Variants in GCNA observed in about 807,000 individuals in gnomAD.
The protein encoded by GCNA is germ cell nuclear acidic peptidase.
Under a neutral mutation model 38.8 loss-of-function variants are expected in GCNA, and 3 were observed. The observed-to-expected ratio is 0.08, with a 90% CI of 0.04 to 0.20. The LOEUF (loss-of-function observed/expected upper bound fraction) is 0.20, where lower values mean the gene tolerates loss of function less well. Among genes scored for constraint, GCNA ranks in the 10% least tolerant of loss-of-function variants. The probability of loss-of-function intolerance (pLI) is 1.00; values close to 1 mark genes in which losing one functional copy is unlikely to be tolerated. For missense variants in GCNA, 446 were observed against 578.6 expected, an observed-to-expected ratio of 0.77 and a Z score of 2.35; for synonymous variants, 195 against 240.2, an observed-to-expected ratio of 0.81 and a Z score of 1.74.
chrX:71,603,925 C>T lies in GCNA; in HGVS notation c.648C>T (p.Asp216=), dbSNP rs144622847. 8 of 1,208,733 alleles carry T rather than the reference C, an allele frequency of 6.6e-6. No individual in the cohort carries two copies. Among genetic ancestry groups the T allele is most frequent in the Admixed American group, 6.6e-5 (3 of 45,704 alleles). Residue 216 remains aspartate, a synonymous_variant, in exon 8 of 13, where the codon GAC becomes GAT. Coordinates refer to ENST00000373696, the MANE Select transcript of GCNA (RefSeq NM_052957.5). ...ACAGTGATGATTCGGATGTTCCCGA[C>T]GACAAGAGTGATGATTCGGATGTTC... ...DDNSDDSDVP[D]DKSDDSDVPD...
chrX:71,597,426 C>T (rs1036186587), intron 6 of GCNA, among the ~76,000 whole-genome samples: 22 of 111,377 alleles, frequency 2.0e-4, no homozygotes, highest in African/African-American at 7.2e-4. Flanking sequence ...TTACCACTGG[C>T]ACCCTGGGTG....
chrX:71,602,968 A>G (rs2040728342), intron 7 of GCNA, among the ~76,000 whole-genome samples: 1 of 112,435 alleles, frequency 8.9e-6, no homozygotes, highest in South Asian at 3.7e-4. Flanking sequence ...AGCAAGAGAT[A>G]GGAGTCTAGA....
chrX:71,588,961 G>A (rs766083387), intron 2 of GCNA, among the ~76,000 whole-genome samples: 8 of 103,307 alleles, frequency 7.7e-5, no homozygotes, highest in South Asian at 4.4e-4. Context: ...TTGCAGCCTC[G>A]AACTCTTGGG....
intron 6 of GCNA, among the ~76,000 whole-genome samples, chrX:71,595,611 C>T (rs2040665495): frequency 8.9e-6 from 1 of 111,999 alleles, no homozygotes; most frequent in Non-Finnish European, 1.9e-5. Flanking sequence ...GCTACTGTTC[C>T]TATTAATGAA....
intron 2 of GCNA, among the ~76,000 whole-genome samples, chrX:71,583,609 C>T (rs888181409): frequency 2.7e-5 from 3 of 110,412 alleles, no homozygotes; most frequent in Admixed American, 9.7e-5. Flanking sequence ...AGTAATGCTG[C>T]TGACATCATA....
At chrX:71,597,226 G>T (rs924106018) in intron 6 of GCNA, among the ~76,000 whole-genome samples, 3 of 112,081 alleles carry the variant, frequency 2.7e-5, no homozygotes, top group Non-Finnish European at 5.6e-5. Flanking sequence ...GGTGGAAGCA[G>T]ATGAACATGT....
At position 71,578,448 on chromosome X, in the gene GCNA, T is replaced by TC. The variant is rs1235936081; in HGVS notation, c.-75dup. The stretch of plus-strand genomic sequence containing the variant: ...GCCTGGCGTTGTTCATCGCAGTTGC[T>TC]CCGGATCTTTGCACACACTCCACGG... On this transcript the variant is annotated 5_prime_UTR_variant, in exon 1 of 13. Transcript: ENST00000373696. The TC allele has an allele frequency of 4.5e-5, 5 of 112,328 alleles. No homozygotes were observed. Among genetic ancestry groups the TC allele is most frequent in the Admixed American group, 9.4e-5 (1 of 10,583 alleles). The allele number at this position is 112,328 out of a possible 1,213,427, so 9.3% of individuals were successfully genotyped here. A position where few individuals can be genotyped will look rare whatever the true frequency, so the allele number is the denominator to read the frequency against.
rs1458245555 is a variant in GCNA at position 71,580,851 on chromosome X, C to T, written c.30C>T (p.Arg10=). 2 of 1,202,578 alleles carry T rather than the reference C, an allele frequency of 1.7e-6. No homozygotes were observed. Among genetic ancestry groups the T allele is most frequent in the South Asian group, 3.6e-5 (2 of 55,354 alleles). Reference sequence around the variant, plus strand: ...ATGGGTGCAAAAAAGAGCTGCCCCGCTTGCAAGAGCCGGAGGAGGACGAGG... The same window carrying T: ...ATGGGTGCAAAAAAGAGCTGCCCCGTTTGCAAGAGCCGGAGGAGGACGAGG... The part of the protein sequence containing the change: MDGCKKELP[R]LQEPEEDEDC... Residue 10 remains arginine (R), a synonymous_variant, in exon 2 of 13, where the codon CGC becomes CGT. Coordinates refer to ENST00000373696, the MANE Select transcript of GCNA (RefSeq NM_052957.5).
chrX:71,610,696 C>T lies in GCNA; in HGVS notation c.1627C>T (p.Arg543Cys), dbSNP rs770997270. 10 of 1,210,538 alleles carry T rather than the reference C, an allele frequency of 8.3e-6. No individual in the cohort carries two copies. The South Asian group carries it at 1.4e-4, about 17-fold the overall frequency. ...TCATTCTCAGCTGCCAGAGAAACTA[C>T]GCATAGGCTGGAATAACAAGATGGT... is the stretch of plus-strand genomic sequence containing the variant. ...VCDKKLPEKLRIGWNNKMVKT... is the reference protein window; with the variant it reads ...VCDKKLPEKLCIGWNNKMVKT... Residue 543 changes from arginine (R) to cysteine (C), a missense_variant, in exon 11 of 13, where the codon CGC becomes TGC. Arg to Cys is a radical substitution (Grantham distance 180). Transcript: ENST00000373696.
chrX:71,608,553 G>A (rs936393853), intron 9 of GCNA, among the ~76,000 whole-genome samples: 3 of 112,818 alleles, frequency 2.7e-5, no homozygotes, highest in Non-Finnish European at 3.8e-5. Flanking sequence ...ATTAAGGCGC[G>A]AGCCACCGCA....
chrX:71,592,432 A>C, intron 3 of GCNA, 105 bp from the exon 4 acceptor site: 1 of 463,618 alleles, frequency 2.2e-6, no homozygotes, highest in Non-Finnish European at 3.5e-6. Context: ...TGTAAATTTT[A>C]AGCAGCTCTA....
Position 71,594,368 on chromosome X carries a change from A to G in GCNA, c.178A>G (p.Ser60Gly). Reference sequence around the variant, plus strand: ...TGTCCAGTCAAGGAGTGGTGACACCAGTGGGTCTTGTAAGTAGAGTCCACT... The same window carrying G: ...TGTCCAGTCAAGGAGTGGTGACACCGGTGGGTCTTGTAAGTAGAGTCCACT... ...LNVQSRSGDTSGSSVARRAPK... is the reference protein window; with the variant it reads ...LNVQSRSGDTGGSSVARRAPK... The change falls in exon 5 of 13, where the codon AGT (serine) becomes GGT (glycine). Residue 60 changes from serine to glycine, a missense_variant. By Grantham distance (56) the Ser-to-Gly change is moderately conservative. Coordinates refer to ENST00000373696, the MANE Select transcript of GCNA (RefSeq NM_052957.5). 1.7e-6 allele frequency: 2 copies of G among 1,203,569 alleles called. No individual in the cohort carries two copies. Among genetic ancestry groups the G allele is most frequent in the Middle Eastern group, 2.3e-4 (1 of 4,339 alleles).
intron 2 of GCNA, among the ~76,000 whole-genome samples, chrX:71,588,687 C>CATG (rs1352956576): frequency 9.1e-6 from 1 of 110,307 alleles, no homozygotes; most frequent in Non-Finnish European, 1.9e-5. Context: ...ATGAGCTGGG[C>CATG]GTGGTGACAC....
chrX:71,596,135 G>C (rs2040669554), intron 6 of GCNA, among the ~76,000 whole-genome samples: 1 of 111,785 alleles, frequency 8.9e-6, no homozygotes, highest in Non-Finnish European at 1.9e-5. Flanking sequence ...AGAATCACTG[G>C]AACCTGGGAG....
In GCNA at chrX:71,580,832, G is replaced by A. The variant is rs73552708; in HGVS notation, c.11G>A (p.Cys4Tyr). 2,722 of 1,200,752 alleles carry A rather than the reference G, an allele frequency of 2.3e-3. 34 individuals are homozygous for A. In the African/African-American group the frequency reaches 0.037, roughly 16 times the overall value. The change falls in exon 2 of 13, where the codon TGC becomes TAC. Residue 4 changes from cysteine (C) to tyrosine (Y), a missense_variant. This residue lies in a region of GCNA where 21 missense variants were observed against 16.5 expected (regional missense o/e 1.27). Coordinates refer to ENST00000373696, the MANE Select transcript of GCNA (RefSeq NM_052957.5). ...TCTTTCACTACAGACATGGATGGGTGCAAAAAAGAGCTGCCCCGCTTGCAA... is the reference window on the plus strand; with the variant it reads ...TCTTTCACTACAGACATGGATGGGTACAAAAAAGAGCTGCCCCGCTTGCAA... MDG[C>Y]KKELPRLQEP...
chrX:71,580,802 C>CT lies in GCNA; in HGVS notation c.-2-15dup, dbSNP rs760682963. On this transcript the variant is annotated splice_polypyrimidine_tract_variant and intron_variant, in intron 1 of 12. Coordinates refer to ENST00000373696, the MANE Select transcript of GCNA (RefSeq NM_052957.5). ...TTCTGGCTTTCTTAAGAAAGTGTAT[C>CT]TTTGTCTTTCACTACAGACATGGAT... 20 of 1,190,359 alleles carry CT rather than the reference C, an allele frequency of 1.7e-5. No individual in the cohort carries two copies. Among genetic ancestry groups the CT allele is most frequent in the Non-Finnish European group, 2.3e-5 (20 of 883,966 alleles).
At chrX:71,596,211 C>CAATA (rs111616995) in intron 6 of GCNA, among the ~76,000 whole-genome samples, 2,234 of 111,052 alleles carry the variant, frequency 0.02, 72 homozygotes, top group African/African-American at 0.069. Flanking sequence ...GAGACTCTCT[C>CAATA]AATAAATAAA....
At chrX:71,578,862 T>C (rs1401089745) in intron 1 of GCNA, among the ~76,000 whole-genome samples, 1 of 78,034 alleles carries the variant, frequency 1.3e-5, no homozygotes, top group Non-Finnish European at 2.6e-5. Flanking sequence ...TTGCAGATAG[T>C]GGGGGGCCTG....
chrX:71,603,875 A>G lies in GCNA; in HGVS notation c.598A>G (p.Asn200Asp). The change falls in exon 8 of 13, where the codon AAC (asparagine) becomes GAC (aspartate). Residue 200 changes from asparagine to aspartate, a missense_variant. By Grantham distance (23) the Asn-to-Asp change is conservative. Around this residue, in one of 7 missense-constraint regions of GCNA, gnomAD observed 118 missense variants for 122.8 expected, o/e 0.96. Coordinates refer to ENST00000373696, the MANE Select transcript of GCNA (RefSeq NM_052957.5). ...DDNSDDSSDDNSDDSSDDNSD... is the reference protein window; with the variant it reads ...DDNSDDSSDDDSDDSSDDNSD... ...CAACAGTGATGATTCATCCGACGAC[A>G]ACAGTGATGATTCATCCGACGACAA... 3 of 1,201,579 alleles carry G rather than the reference A, an allele frequency of 2.5e-6. No individual in the cohort carries two copies. The East Asian group carries it at 9.0e-5, about 36-fold the overall frequency.
Sources: gnomAD v4.1 joint callset for allele counts (sites outside exome capture counted in the v4.1 genomes callset) on GRCh38, gnomAD v4.1.1 for gene constraint, gnomAD v4.1.1 regional missense constraint, MANE v1.5 for transcripts, NCBI Gene and HGNC (gene_info 2026-07-23, HGNC 2026-07-21) for gene names.